Variants in ABCG1 observed in about 807,000 individuals in gnomAD.
The protein encoded by ABCG1 is ATP-binding cassette sub-family G member 1.
Under a neutral mutation model 69.2 loss-of-function variants are expected in ABCG1, and 29 were observed. That is an observed-to-expected ratio of 0.42 (90% CI 0.31 to 0.57). The LOEUF (loss-of-function observed/expected upper bound fraction) is 0.57, where lower values mean the gene tolerates loss of function less well. Ranked by LOEUF, ABCG1 falls within the 20% of genes least tolerant of loss-of-function variation. The pLI, the probability that ABCG1 is intolerant of heterozygous loss-of-function variation, is 0.15. For synonymous variants in ABCG1, 370 were observed against 374.8 expected (o/e 0.99, Z 0.15); for missense variants, 718 against 898.1 (o/e 0.80, Z 2.56).
Position 42,225,756 on chromosome 21 carries a change from C to T in ABCG1, c.128C>T (p.Ala43Val), listed in dbSNP as rs1183517157. The T allele has an allele frequency of 2.5e-6, 4 of 1,613,670 alleles. No homozygotes were observed. Among genetic ancestry groups the T allele is most frequent in the Middle Eastern group, 1.6e-4 (1 of 6,084 alleles). Residue 43 changes from alanine (A) to valine (V), a missense_variant, in exon 2 of 15, where the codon GCC becomes GTC. Physicochemically the swap from Ala to Val is moderately conservative, Grantham distance 64. Coordinates refer to ENST00000398449, the MANE Select transcript of ABCG1 (RefSeq NM_016818.3). ...GAGGTGGTGTCCAGCAACATGGAGG[C>T]CACTGAGACGGACCTGCTGAATGGA... is the stretch of plus-strand genomic sequence containing the variant. Reference protein sequence around the residue: ...VDEVVSSNMEATETDLLNGHL... With the variant: ...VDEVVSSNMEVTETDLLNGHL...
rs146812849 is a variant in ABCG1, at chr21:42,239,422, A to T, written c.286+13508A>T. Among the ~76,000 whole-genome samples the T allele has an allele frequency of 3.2e-3, 489 of 152,356 alleles. 2 individuals are homozygous for T. The highest frequency in any genetic ancestry group is 3.9e-3 in the Non-Finnish European group (264 of 68,026). ...TCAAAGCCTTTTAGTTCTCATTCTA[A>T]ATGTGAAGTGTGGCTTGATACCTTA... On this transcript the variant is annotated intron_variant, in intron 2 of 14. Transcript: ENST00000398449.
intron 2 of ABCG1, chr21:42,256,047 A>T: frequency 1.2e-6 from 1 of 831,910 alleles, no homozygotes; most frequent in Non-Finnish European, 1.6e-6. Context: ...AGCCACTGGG[A>T]GTCAGGTGCC....
chr21:42,280,465 C>T (rs892776920), intron 5 of ABCG1, among the ~76,000 whole-genome samples: 1 of 152,256 alleles, frequency 6.6e-6, no homozygotes, highest in Non-Finnish European at 1.5e-5. Context: ...CCCTGGAGCG[C>T]CCGCCGGGAA....
intron 2 of ABCG1, chr21:42,259,497 C>G (rs1193777885): frequency 6.5e-7 from 1 of 1,547,458 alleles, no homozygotes; most frequent in Non-Finnish European, 8.7e-7. Context: ...ATCCAACCGT[C>G]CACTCAAGGT....
In ABCG1 at chr21:42,201,447, C is replaced by G. The variant is rs1203101997; in HGVS notation, c.-99-130C>G. ...TGCCGCTCACCTCCTGCTGTGTGGC[C>G]CCATTCCTAACGGGCCACGGACTGG... On this transcript the variant is annotated intron_variant, in intron 1 of 15. Coordinates refer to the ABCG1 transcript ENST00000398457. 7 of 536,682 alleles carry G rather than the reference C, an allele frequency of 1.3e-5. No homozygotes were observed. The South Asian group carries it at 1.4e-4, about 11-fold the overall frequency. 33.2% of individuals were successfully genotyped at this position (536,682 alleles called of 1,614,324 possible). A position where few individuals can be genotyped will look rare whatever the true frequency, so the allele number is the denominator to read the frequency against.
In ABCG1 at chr21:42,284,540, C is replaced by T. The variant is rs2234719; in HGVS notation, c.735-20C>T. ...GTTCCTGCCGCCCGCAGGCGTCTCA[C>T]GGTGCCTCTTGACTTGCAGCGGCCT... On this transcript the variant is annotated intron_variant, in intron 6 of 14. Transcript: ENST00000398449. 416,810 of 1,610,446 alleles carry T rather than the reference C, an allele frequency of 0.26. 55,237 individuals are homozygous for T. Among genetic ancestry groups the T allele is most frequent in the Middle Eastern group, 0.32 (1,943 of 6,054 alleles).
At chr21:42,266,837 C>T (rs989269768) in intron 2 of ABCG1, among the ~76,000 whole-genome samples, 1 of 152,168 alleles carries the variant, frequency 6.6e-6, no homozygotes, top group Non-Finnish European at 1.5e-5. Context: ...AGATACGTAG[C>T]CTGCTGGTGT....
intron 2 of ABCG1, among the ~76,000 whole-genome samples, chr21:42,245,807 T>C (rs117798682): frequency 1.6e-3 from 238 of 151,980 alleles, no homozygotes; most frequent in South Asian, 4.2e-3. Flanking sequence ...ACAACTCCGA[T>C]GAGGAGGGGA....
intron 1 of ABCG1, among the ~76,000 whole-genome samples, chr21:42,200,288 C>T (rs2067495965): frequency 6.6e-6 from 1 of 152,204 alleles, no homozygotes; most frequent in Non-Finnish European, 1.5e-5. Context: ...ATTGCCTACT[C>T]CTCTGCAGGG....
Position 42,288,571 on chromosome 21 carries a change from G to A in ABCG1, c.1224+259G>A, listed in dbSNP as rs901205794. ...AAAATACAAAAATTAGCCAGGCCTG[G>A]TAGTGCATGCCTGTAATCCCAGCTA... On this transcript the variant is annotated intron_variant, in intron 10 of 14. Transcript: ENST00000398449. The surrounding 1 kb of genome is among the most constrained non-coding windows in gnomAD (Gnocchi z 4.8). Among the ~76,000 whole-genome samples, 1 of 152,166 alleles carries A rather than the reference G, an allele frequency of 6.6e-6. No individual in the cohort carries two copies. Among genetic ancestry groups the A allele is most frequent in the Non-Finnish European group, 1.5e-5 (1 of 68,038 alleles).
chr21:42,248,204 G>A (rs1017103287), intron 2 of ABCG1, among the ~76,000 whole-genome samples: 1 of 152,158 alleles, frequency 6.6e-6, no homozygotes, highest in Non-Finnish European at 1.5e-5. Context: ...GATCTCCGTC[G>A]TCATCTGATT....
intron 2 of ABCG1, among the ~76,000 whole-genome samples, chr21:42,243,551 G>C (rs2068086763): frequency 2.0e-5 from 3 of 150,602 alleles, no homozygotes; most frequent in African/African-American, 7.3e-5. Context: ...CTGCTTATTT[G>C]TAAAACCTGT....
At chr21:42,220,098 C>T (rs752056160) in intron 1 of ABCG1, 2 of 1,499,586 alleles carry the variant, frequency 1.3e-6, no homozygotes, top group Non-Finnish European at 9.1e-7. Context: ...GGTTTTCTGG[C>T]ATTAGGAACA....
chr21:42,276,612 G>A lies in ABCG1; in HGVS notation c.538-283G>A. The A allele has an allele frequency of 2.4e-6, 1 of 421,738 alleles. No homozygotes were observed. 26.1% of individuals were successfully genotyped at this position (421,738 alleles called of 1,614,324 possible). On this transcript the variant is annotated intron_variant, in intron 4 of 14. Transcript: ENST00000398449. This position sits in a 1 kb window ranked among gnomAD's most constrained non-coding sequence, Gnocchi z 5.3. Reference sequence around the variant, plus strand: ...ATCAGCTAGCTGCACGGTGGCTAGTGGCACCGTGGCTAGCTGCATGGTGGC... The same window carrying A: ...ATCAGCTAGCTGCACGGTGGCTAGTAGCACCGTGGCTAGCTGCATGGTGGC...
Position 42,276,556 on chromosome 21 carries a change from A to C in ABCG1, c.538-339A>C. The C allele has an allele frequency of 3.3e-6, 1 of 300,834 alleles. No homozygotes were observed. The highest frequency in any genetic ancestry group is 5.7e-5 in the South Asian group (1 of 17,496). The allele number at this position is 300,834 out of a possible 1,614,324, so 18.6% of individuals were successfully genotyped here. ...ACCATTGTTAAAGCAGGGGCATCGG[A>C]AGCCAAGAACTCCTTGGGTTTTCCA... On this transcript the variant is annotated intron_variant, in intron 4 of 14. Coordinates refer to ENST00000398449, the MANE Select transcript of ABCG1 (RefSeq NM_016818.3). This position sits in a 1 kb window ranked among gnomAD's most constrained non-coding sequence, Gnocchi z 5.3.
chr21:42,293,322 CACT>C (rs1289593762), intron 13 of ABCG1, among the ~76,000 whole-genome samples: 2 of 138,936 alleles, frequency 1.4e-5, no homozygotes, highest in East Asian at 2.3e-4. Context: ...ACACAGTACA[CACT>C]ACACACCACA....
At chr21:42,267,537 C>G (rs170439) in intron 2 of ABCG1, among the ~76,000 whole-genome samples, 1 of 141,620 alleles carries the variant, frequency 7.1e-6, no homozygotes. Context: ...GGTCTGGGTT[C>G]TGTCTGGGTC....
At chr21:42,286,624 C>T (rs1309100518) in intron 8 of ABCG1, among the ~76,000 whole-genome samples, 6 of 152,098 alleles carry the variant, frequency 3.9e-5, no homozygotes, top group Non-Finnish European at 4.4e-5. Flanking sequence ...GTTTCGTGCT[C>T]GCTCACAAGG....
At chr21:42,249,500 T>G (rs12329683) in intron 2 of ABCG1, among the ~76,000 whole-genome samples, 12,199 of 152,198 alleles carry the variant, frequency 0.08, 752 homozygotes, top group African/African-American at 0.17. Context: ...CTGGGTGTAT[T>G]GAAATATGGA....
Sources: allele counts gnomAD v4.1 joint callset (sites outside exome capture counted in the v4.1 genomes callset), GRCh38; gene constraint gnomAD v4.1.1; non-coding constraint Gnocchi (gnomAD v3.1); transcripts MANE v1.5; gene names NCBI Gene and HGNC (gene_info 2026-07-23, HGNC 2026-07-21).